PTPRA: variants seen among roughly 807,000 people sequenced by gnomAD.
PTPRA encodes protein tyrosine phosphatase receptor type A, also known as receptor-type tyrosine-protein phosphatase alpha.
A neutral mutation model predicts 104.8 loss-of-function variants in PTPRA; 25 were observed. The observed-to-expected ratio is 0.24, with a 90% CI of 0.17 to 0.33. PTPRA has a LOEUF of 0.33. PTPRA is among the 10% of genes least tolerant of loss of function. The pLI, the probability that PTPRA is intolerant of heterozygous loss-of-function variation, is 1.00. For synonymous variants in PTPRA, 323 were observed against 368.9 expected (o/e 0.88, Z 1.43); for missense variants, 765 against 1,015.3 (o/e 0.75, Z 3.35).
intron 12 of PTPRA, among the ~76,000 whole-genome samples, chr20:3,016,698 C>T (rs1226627145): frequency 6.6e-6 from 1 of 152,234 alleles, no homozygotes; most frequent in Non-Finnish European, 1.5e-5. Context: ...TGAGATTGCA[C>T]TACTGTACTC....
chr20:2,976,334 A>G (rs2062430662), intron 6 of PTPRA, among the ~76,000 whole-genome samples: 2 of 152,336 alleles, frequency 1.3e-5, no homozygotes, highest in African/African-American at 2.4e-5. Context: ...CAGCCTTACA[A>G]TAAAGTCAAA....
chr20:2,985,148 A>G (rs1222165674), intron 6 of PTPRA, among the ~76,000 whole-genome samples: 3 of 152,228 alleles, frequency 2.0e-5, no homozygotes, highest in Admixed American at 1.3e-4. Flanking sequence ...TAAAAGGTTG[A>G]ATCAGATGAG....
Position 3,006,869 on chromosome 20 carries a change from G to A in PTPRA, c.830-475G>A, listed in dbSNP as rs191386051. ...TGGTCTGGAACTCCTGACCTCAAGT[G>A]ATGCACCGCCTCTGCCTCCTGAAGT... On this transcript the variant is annotated intron_variant, in intron 10 of 23. Transcript: ENST00000399903. Among the ~76,000 whole-genome samples the A allele has an allele frequency of 8.5e-3, 1,299 of 152,246 alleles. 11 individuals are homozygous for A. Among genetic ancestry groups the A allele is most frequent in the Non-Finnish European group, 0.013 (901 of 68,014 alleles).
At chr20:2,939,366 C>G (rs1417180551) in intron 2 of PTPRA, among the ~76,000 whole-genome samples, 4 of 152,180 alleles carry the variant, frequency 2.6e-5, no homozygotes, top group African/African-American at 4.8e-5. Flanking sequence ...AGTTCACCCA[C>G]ATTCTCTGCA....
intron 9 of PTPRA, among the ~76,000 whole-genome samples, chr20:2,999,259 C>CA (rs2148245726): frequency 6.6e-6 from 1 of 152,198 alleles, no homozygotes; most frequent in Admixed American, 6.5e-5. Flanking sequence ...TTAGGAGGCT[C>CA]AATTTTGTAA....
At chr20:2,864,915 C>T in the PTPRA span, 9 of 1,605,656 alleles carry the variant, frequency 5.6e-6, no homozygotes, top group African/African-American at 4.0e-5. This position sits in a 1 kb window ranked among gnomAD's most constrained non-coding sequence, Gnocchi z 5.2. Context: ...AGACTGTAGC[C>T]TGGGTGAGGA....
intron 20 of PTPRA, among the ~76,000 whole-genome samples, chr20:3,031,570 T>C (rs1028783744): frequency 6.6e-6 from 1 of 152,180 alleles, no homozygotes; most frequent in African/African-American, 2.4e-5. Context: ...CCTGATCCCA[T>C]GGTCAAGTCA....
intron 1 of PTPRA, among the ~76,000 whole-genome samples, chr20:2,893,827 T>C (rs1289769854): frequency 1.3e-5 from 2 of 152,096 alleles, no homozygotes; most frequent in African/African-American, 4.8e-5. Flanking sequence ...CTATTCTAGA[T>C]GTGTCTTATT....
intron 1 of PTPRA, among the ~76,000 whole-genome samples, chr20:2,881,097 A>G (rs2090022997): frequency 6.6e-6 from 1 of 151,982 alleles, no homozygotes; most frequent in Non-Finnish European, 1.5e-5. Context: ...TCACAAGGTC[A>G]AGAGATCGAG....
At chr20:2,929,431 G>A (rs2060429363) in intron 2 of PTPRA, among the ~76,000 whole-genome samples, 1 of 152,128 alleles carries the variant, frequency 6.6e-6, no homozygotes. Context: ...CTTGATGTGT[G>A]TCCCATCCCT....
Position 2,923,229 on chromosome 20 carries a change from A to T in PTPRA, c.-106A>T. 7.9e-7 allele frequency: 1 copy of T among 1,261,912 alleles called. No individual in the cohort carries two copies. Among genetic ancestry groups the T allele is most frequent in the South Asian group, 1.3e-5 (1 of 76,720 alleles). 78.2% of individuals were successfully genotyped at this position (1,261,912 alleles called of 1,614,324 possible). ...CAGGTGACACAACTAAAAAAAAACA[A>T]AGGTATTTATGGAATTCCACTGAGT... On this transcript the variant is annotated 5_prime_UTR_variant, in exon 2 of 24. Coordinates refer to ENST00000399903, the MANE Select transcript of PTPRA (RefSeq NM_001385305.1).
At chr20:2,907,167 T>C (rs4047) in intron 1 of PTPRA, among the ~76,000 whole-genome samples, 102,340 of 152,050 alleles carry the variant, frequency 0.67, 36,106 homozygotes, top group African/African-American at 0.87. Flanking sequence ...TATATAAGTG[T>C]TGTTCTGTCC....
chr20:3,016,888 A>G (rs2064485186), intron 12 of PTPRA, among the ~76,000 whole-genome samples: 1 of 152,168 alleles, frequency 6.6e-6, no homozygotes, highest in South Asian at 2.1e-4. Flanking sequence ...CCCCTTACAG[A>G]GCACCTCCCC....
chr20:2,915,716 G>A (rs185088323), intron 1 of PTPRA, among the ~76,000 whole-genome samples: 13 of 152,216 alleles, frequency 8.5e-5, no homozygotes, highest in South Asian at 2.1e-4. Context: ...GACCAAGCGC[G>A]GTGGCTCATG....
chr20:2,931,479 T>G (rs1568658558), intron 2 of PTPRA, among the ~76,000 whole-genome samples: 1 of 152,148 alleles, frequency 6.6e-6, no homozygotes, highest in Non-Finnish European at 1.5e-5. Flanking sequence ...TGATGTATGT[T>G]CAGAAGTGAG....
At chr20:3,021,196 G>A in intron 13 of PTPRA, 113 bp from the exon 14 acceptor site, 1 of 1,439,018 alleles carries the variant, frequency 6.9e-7, no homozygotes, top group Non-Finnish European at 9.5e-7. Context: ...AGAGGTCAAA[G>A]GGCCTTCTGG....
upstream of PTPRA, among the ~76,000 whole-genome samples, chr20:2,872,919 A>T (rs2089464967): frequency 6.6e-6 from 1 of 152,074 alleles, no homozygotes; most frequent in African/African-American, 2.4e-5. This position sits in a 1 kb window ranked among gnomAD's most constrained non-coding sequence, Gnocchi z 7.9. Flanking sequence ...AAAGCGGGGG[A>T]GATTACCCTG....
intron 2 of PTPRA, among the ~76,000 whole-genome samples, chr20:2,924,990 T>G (rs1219526790): frequency 1.3e-5 from 2 of 152,212 alleles, no homozygotes; most frequent in Non-Finnish European, 2.9e-5. Context: ...GAAAAGGTTT[T>G]ACATCTTAAT....
At chr20:2,870,486 G>A (rs1286343689), upstream of PTPRA, among the ~76,000 whole-genome samples, 2 of 152,176 alleles carry the variant, frequency 1.3e-5, no homozygotes, top group African/African-American at 4.8e-5. Context: ...CAGCATTTAG[G>A]AAATTTTCTT....
Sources: gnomAD v4.1 joint callset for allele counts (sites outside exome capture counted in the v4.1 genomes callset) on GRCh38, gnomAD v4.1.1 for gene constraint, Gnocchi (gnomAD v3.1) non-coding constraint, MANE v1.5 for transcripts, NCBI Gene and HGNC (gene_info 2026-07-23, HGNC 2026-07-21) for gene names.